Variants in CAGE1 observed in about 807,000 individuals in gnomAD.
The protein encoded by CAGE1 is cancer-associated gene 1 protein.
CAGE1 carries 66 observed loss-of-function variants against 94.9 expected under a neutral mutation model. That is an observed-to-expected ratio of 0.70 (90% CI 0.57 to 0.85). CAGE1 has a LOEUF of 0.85. Among genes scored for constraint, CAGE1 ranks in the 40% least tolerant of loss-of-function variants. The pLI, the probability that CAGE1 is intolerant of heterozygous loss-of-function variation, is 0.00. For synonymous variants in CAGE1, 319 were observed against 321.0 expected (o/e 0.99, Z 0.07); for missense variants, 865 against 950.4 (o/e 0.91, Z 1.18).
At position 7,339,543 on chromosome 6, in the gene CAGE1, C is replaced by T. The variant is rs1759091658; in HGVS notation, c.2370-5453G>A. On this transcript the variant is annotated intron_variant, in intron 11 of 13. Transcript: ENST00000502583. This position sits in a 1 kb window ranked among gnomAD's most constrained non-coding sequence, Gnocchi z 4.7. The stretch of plus-strand genomic sequence containing the variant: ...GAAGATGCCATCAGTGACAAACTTC[C>T]TCTTCTTGGAAATTTGTAAGGCGAT... The T allele has an allele frequency of 3.8e-6, 3 of 784,364 alleles. No homozygotes were observed. Among genetic ancestry groups the T allele is most frequent in the Admixed American group, 3.4e-5 (2 of 58,756 alleles). The allele number at this position is 784,364 out of a possible 1,614,324, so 48.6% of individuals were successfully genotyped here. A position where few individuals can be genotyped will look rare whatever the true frequency, so the allele number is the denominator to read the frequency against.
At chr6:7,384,319 C>T (rs1186916460) in intron 3 of CAGE1, among the ~76,000 whole-genome samples, 3 of 152,276 alleles carry the variant, frequency 2.0e-5, no homozygotes, top group Admixed American at 1.3e-4. Flanking sequence ...CCTCGTGATC[C>T]GCCTGCCTCG....
intron 9 of CAGE1, among the ~76,000 whole-genome samples, chr6:7,357,438 CT>C (rs1759996242): frequency 6.6e-6 from 1 of 152,094 alleles, no homozygotes; most frequent in Non-Finnish European, 1.5e-5. Flanking sequence ...TGTGGAATTC[CT>C]TCTCAATTTC....
intron 9 of CAGE1, among the ~76,000 whole-genome samples, chr6:7,361,312 G>C (rs960523083): frequency 6.6e-6 from 1 of 152,184 alleles, no homozygotes; most frequent in African/African-American, 2.4e-5. Context: ...GCACAACTCA[G>C]TAAAAGCAAT....
intron 3 of CAGE1, among the ~76,000 whole-genome samples, chr6:7,381,717 T>C (rs1302787623): frequency 6.6e-6 from 1 of 151,476 alleles, no homozygotes; most frequent in Non-Finnish European, 1.5e-5. Context: ...TTAGTAGAGA[T>C]GGGATTCCAC....
At chr6:7,378,522 C>T (rs1281492196) in intron 4 of CAGE1, 95 bp downstream of exon 4, 10 of 1,092,146 alleles carry the variant, frequency 9.2e-6, no homozygotes, top group East Asian at 4.9e-5. Context: ...CCATCACAAT[C>T]GTACCTCCTC....
chr6:7,356,191 G>T, intron 9 of CAGE1, 62 bp from the exon 10 acceptor site: 1 of 862,986 alleles, frequency 1.2e-6, no homozygotes, highest in Non-Finnish European at 1.9e-6. Flanking sequence ...ATATATGGAT[G>T]CCAAGAACAA....
At chr6:7,336,361 C>T (rs945449860) in intron 11 of CAGE1, among the ~76,000 whole-genome samples, 12 of 152,154 alleles carry the variant, frequency 7.9e-5, no homozygotes, top group Non-Finnish European at 2.9e-5. Flanking sequence ...CTAAGCCTAC[C>T]TAAATGGAGT....
chr6:7,367,297 T>C (rs1760378079), intron 7 of CAGE1, among the ~76,000 whole-genome samples: 1 of 148,214 alleles, frequency 6.7e-6, no homozygotes. Context: ...TTTTTTTTGC[T>C]TTTTGTTGTT....
intron 11 of CAGE1, among the ~76,000 whole-genome samples, chr6:7,345,101 C>T (rs555580864): frequency 2.0e-5 from 3 of 152,262 alleles, no homozygotes; most frequent in East Asian, 1.9e-4. Context: ...TAAATCTTAA[C>T]TCTTGTTGCT....
chr6:7,334,072 T>C lies in CAGE1; in HGVS notation c.2388A>G (p.Lys796=). 1 of 1,534,456 alleles carries C rather than the reference T, an allele frequency of 6.5e-7. No homozygotes were observed. Among genetic ancestry groups the C allele is most frequent in the South Asian group, 1.2e-5 (1 of 82,444 alleles). Residue 796 remains lysine, a synonymous_variant, in exon 12 of 14, where the codon AAA becomes AAG. Coordinates refer to ENST00000502583, the MANE Select transcript of CAGE1 (RefSeq NM_001170692.2). ...GCTTTCTAATTAAATCCTCTAAATG[T>C]TTATTTCTCTCTTCCAAACTGAAAG... ...SQIAHLEERN[K]HLEDLIRKPR...
At position 7,356,092 on chromosome 6, in the gene CAGE1, T is replaced by C; in HGVS notation, c.2231A>G (p.Asn744Ser). The C allele has an allele frequency of 6.4e-7, 1 of 1,550,576 alleles. No individual in the cohort carries two copies. ...KLGHLLESKE[N>S]HCNRLIEEND... ...TTCTTCAATGAGTCTGTTGCAGTGG[T>C]TTTCTTTTGACTCTAGGAGATGTCC... is the stretch of plus-strand genomic sequence containing the variant. The change falls in exon 10 of 14, where the codon AAC becomes AGC. Residue 744 changes from asparagine (N) to serine (S), a missense_variant. By Grantham distance (46) the Asn-to-Ser change is conservative. Coordinates refer to ENST00000502583, the MANE Select transcript of CAGE1 (RefSeq NM_001170692.2).
rs780382932 is a variant in CAGE1, at chr6:7,373,493, G to A, written c.1326C>T (p.Asp442=). ...NKSVSQYLEM[D]KTLSKKEEEV... ...CTTCTTCTTTCTTGCTTAAGGTTTT[G>A]TCCATCTCTAAATACTGACTTACAG... Residue 442 remains aspartate (D), a synonymous_variant, in exon 5 of 14, where the codon GAC becomes GAT. Coordinates refer to ENST00000502583, the MANE Select transcript of CAGE1 (RefSeq NM_001170692.2). 1.2e-5 allele frequency: 19 copies of A among 1,613,600 alleles called. No homozygotes were observed. Among genetic ancestry groups the A allele is most frequent in the African/African-American group, 4.0e-5 (3 of 74,852 alleles).
At chr6:7,372,631 C>T (rs1336599071) in intron 5 of CAGE1, among the ~76,000 whole-genome samples, 1 of 152,104 alleles carries the variant, frequency 6.6e-6, no homozygotes, top group Non-Finnish European at 1.5e-5. Context: ...TTCTCCAAAC[C>T]TGTGGTGTAT....
chr6:7,369,362 G>A (rs926285014), intron 6 of CAGE1, among the ~76,000 whole-genome samples: 2 of 141,178 alleles, frequency 1.4e-5, no homozygotes, highest in Non-Finnish European at 3.1e-5. Context: ...AAGCTCCCAG[G>A]ACAGAAGCAT....
chr6:7,351,779 A>C (rs1287180510), intron 11 of CAGE1, among the ~76,000 whole-genome samples: 1 of 152,170 alleles, frequency 6.6e-6, no homozygotes, highest in Admixed American at 6.5e-5. Context: ...TAAAACAAAA[A>C]TCATATGATC....
intron 1 of CAGE1, among the ~76,000 whole-genome samples, chr6:7,388,437 G>A (rs1171095495): frequency 3.3e-5 from 5 of 152,094 alleles, no homozygotes; most frequent in East Asian, 1.9e-4. Context: ...TGGTGATTTC[G>A]TTTACTGTTT....
At chr6:7,365,913 A>C (rs1206408434) in intron 7 of CAGE1, 29 bp from the exon 8 acceptor site, 2 of 1,281,526 alleles carry the variant, frequency 1.6e-6, no homozygotes, top group African/African-American at 3.0e-5. Context: ...TCTGTATTTT[A>C]GAGAGAAAAT....
intron 3 of CAGE1, among the ~76,000 whole-genome samples, chr6:7,384,701 A>T (rs990485582): frequency 2.0e-5 from 3 of 151,964 alleles, no homozygotes; most frequent in Non-Finnish European, 4.4e-5. Context: ...ATTTGGGGTT[A>T]AATCAACACA....
At chr6:7,345,310 C>CT (rs1199543245) in intron 11 of CAGE1, among the ~76,000 whole-genome samples, 1 of 152,138 alleles carries the variant, frequency 6.6e-6, no homozygotes, top group Non-Finnish European at 1.5e-5. Context: ...AGTTTTATTT[C>CT]TGAACCAGCG....
Sources: gnomAD v4.1 joint callset for allele counts (sites outside exome capture counted in the v4.1 genomes callset) on GRCh38, gnomAD v4.1.1 for gene constraint, Gnocchi (gnomAD v3.1) non-coding constraint, MANE v1.5 for transcripts, NCBI Gene and HGNC (gene_info 2026-07-23, HGNC 2026-07-21) for gene names.